Variants in HAP1 observed in about 807,000 individuals in gnomAD.
HAP1 encodes huntingtin-associated protein 1.
A neutral mutation model predicts 60.3 loss-of-function variants in HAP1; 59 were observed. That is an observed-to-expected ratio of 0.98 (90% CI 0.79 to 1.22). The LOEUF is 1.22. Among genes scored for constraint, HAP1 ranks in the 50% most tolerant of loss-of-function variants. HAP1 has a pLI of 0.00. For synonymous variants in HAP1, 346 were observed against 330.6 expected (o/e 1.05, Z -0.50); for missense variants, 825 against 785.3 (o/e 1.05, Z -0.60).
Position 41,724,353 on chromosome 17 carries a change from G to A in HAP1, c.*348C>T, listed in dbSNP as rs181564904. The A allele has an allele frequency of 3.0e-4, 47 of 156,882 alleles. 1 individual carries two copies. Among genetic ancestry groups the A allele is most frequent in the African/African-American group, 9.8e-4 (40 of 40,886 alleles). 9.7% of individuals were successfully genotyped at this position (156,882 alleles called of 1,614,324 possible). A position where few individuals can be genotyped will look rare whatever the true frequency, so the allele number is the denominator to read the frequency against. On this transcript the variant is annotated 3_prime_UTR_variant, in exon 11 of 11. Coordinates refer to ENST00000347901, the MANE Select transcript of HAP1 (RefSeq NM_177977.3). ...TCCACCATCCCACCCACCGCCCCCC[G>A]TGTTTGTTTTGACTGCTGCTGCCAC...
chr17:41,726,185 C>T (rs1157296070), intron 9 of HAP1, among the ~76,000 whole-genome samples: 6 of 152,040 alleles, frequency 3.9e-5, no homozygotes, highest in African/African-American at 7.2e-5. Context: ...GAGGCCCAGG[C>T]GGGTGGATCA....
chr17:41,734,033 T>A (rs1912483592), intron 1 of HAP1, 133 bp downstream of exon 1: 1 of 663,268 alleles, frequency 1.5e-6, no homozygotes, highest in Non-Finnish European at 2.5e-6. Context: ...GACACCGCAG[T>A]GACATCGCGG....
chr17:41,718,430 G>GC (rs1383248854), downstream of HAP1, among the ~76,000 whole-genome samples: 4 of 152,220 alleles, frequency 2.6e-5, no homozygotes, highest in East Asian at 5.8e-4. Context: ...GGCTTCTCCT[G>GC]CCCCCCTGGG....
chr17:41,730,893 G>C (rs534803756), intron 6 of HAP1, among the ~76,000 whole-genome samples: 2 of 145,844 alleles, frequency 1.4e-5, no homozygotes, highest in Non-Finnish European at 3.0e-5. Context: ...AATAAGAGAA[G>C]ACAGGCTTGG....
At chr17:41,719,692 CAAA>C (rs71155162), downstream of HAP1, among the ~76,000 whole-genome samples, 3 of 143,000 alleles carry the variant, frequency 2.1e-5, no homozygotes, top group Admixed American at 6.9e-5. Flanking sequence ...GACTCTGTCT[CAAA>C]AAAAAAAAAG....
intron 6 of HAP1, among the ~76,000 whole-genome samples, chr17:41,728,708 T>C (rs1555589686): frequency 6.6e-6 from 1 of 152,026 alleles, no homozygotes; most frequent in South Asian, 2.1e-4. Flanking sequence ...AAGGAACCAC[T>C]AAGCTAAGAC....
chr17:41,729,925 G>C (rs1227084966), intron 6 of HAP1, among the ~76,000 whole-genome samples: 1 of 140,766 alleles, frequency 7.1e-6, no homozygotes, highest in African/African-American at 2.7e-5. Flanking sequence ...AGTAGTCCCA[G>C]CTACTCAGGA....
At chr17:41,722,468 C>A (rs973863492), downstream of HAP1, 1 of 152,286 alleles carries the variant, frequency 6.6e-6, no homozygotes, top group African/African-American at 2.4e-5. Context: ...CTCCATCCAA[C>A]AGACACTTAT....
rs1912328011 is a variant in HAP1 at position 41,732,797 on chromosome 17, T to C, written c.471A>G (p.Ala157=). Residue 157 remains alanine (A), a splice_region_variant and synonymous_variant, in exon 2 of 11, where the codon GCA becomes GCG. Coordinates refer to ENST00000347901, the MANE Select transcript of HAP1 (RefSeq NM_177977.3). The part of the protein sequence containing the change: ...RAAFIRELEE[A]LCPNLPPPVK... ...CTGGCGGAGGTAGGTTAGGACACAG[T>C]GCTGCAGGAGGCGGCAGGTGGGGAG... The C allele has an allele frequency of 6.3e-7, 1 of 1,598,704 alleles. No homozygotes were observed.
In HAP1 at chr17:41,732,772, C is replaced by G. The variant is rs1555591464; in HGVS notation, c.496G>C (p.Val166Leu). 6.2e-7 allele frequency: 1 copy of G among 1,612,700 alleles called. No homozygotes were observed. The highest frequency in any genetic ancestry group is 2.2e-5 in the East Asian group (1 of 44,864). Residue 166 changes from valine to leucine, a missense_variant, in exon 2 of 11, where the codon GTC (valine) becomes CTC (leucine). Physicochemically the swap from Val to Leu is conservative, Grantham distance 32 (BLOSUM62 1). Coordinates refer to ENST00000347901, the MANE Select transcript of HAP1 (RefSeq NM_177977.3). Reference sequence around the variant, plus strand: ...ACGTCTTCCTGGGTGATCTTTTTGACTGGCGGAGGTAGGTTAGGACACAGT... The same window carrying G: ...ACGTCTTCCTGGGTGATCTTTTTGAGTGGCGGAGGTAGGTTAGGACACAGT... ...EALCPNLPPP[V>L]KKITQEDVKV...
chr17:41,734,571 C>T lies in HAP1; in HGVS notation c.64G>A (p.Ala22Thr), dbSNP rs200003781. ...GSRLGPGDPA[A>T]LTCAPSPSAS... ...GAGGGCGAAGGTGCACAGGTGAGTG[C>T]TGCTGGGTCCCCGGGTCCGAGCCGG... Residue 22 changes from alanine (A) to threonine (T), a missense_variant, in exon 1 of 11, where the codon GCA becomes ACA. Ala to Thr is a moderately conservative substitution (Grantham distance 58, BLOSUM62 0). Coordinates refer to ENST00000347901, the MANE Select transcript of HAP1 (RefSeq NM_177977.3). The T allele has an allele frequency of 6.3e-7, 1 of 1,597,882 alleles. No homozygotes were observed. Among genetic ancestry groups the T allele is most frequent in the Non-Finnish European group, 8.5e-7 (1 of 1,173,036 alleles).
chr17:41,732,638 A>G, intron 2 of HAP1, 81 bp downstream of exon 2: 3 of 1,247,860 alleles, frequency 2.4e-6, no homozygotes, highest in East Asian at 2.3e-5. Flanking sequence ...GAGACTGCCA[A>G]TCAGGAAATA....
chr17:41,729,315 T>C (rs35998390), intron 6 of HAP1, among the ~76,000 whole-genome samples: 122,507 of 148,930 alleles, frequency 0.82, 50,453 homozygotes, highest in East Asian at 0.89. Flanking sequence ...TTTGGGAGGC[T>C]GAGGGGGATG....
At chr17:41,733,373 T>C (rs1456494619) in intron 1 of HAP1, among the ~76,000 whole-genome samples, 25 of 145,090 alleles carry the variant, frequency 1.7e-4, no homozygotes, top group Admixed American at 1.0e-3. Flanking sequence ...TTTTTTTTTT[T>C]TTTACCCCTG....
chr17:41,729,348 A>C (rs1284516309), intron 6 of HAP1, among the ~76,000 whole-genome samples: 1 of 147,878 alleles, frequency 6.8e-6, no homozygotes, highest in Non-Finnish European at 1.5e-5. Flanking sequence ...TCAGGATTTC[A>C]ACACCAGCTT....
chr17:41,720,379 G>C (rs1048570226), downstream of HAP1, among the ~76,000 whole-genome samples: 7 of 151,000 alleles, frequency 4.6e-5, no homozygotes, highest in African/African-American at 1.7e-4. Flanking sequence ...ATTTTCAGTA[G>C]AGACAGGGTT....
In HAP1 at chr17:41,724,372, C is replaced by T; in HGVS notation, c.*329G>A. On this transcript the variant is annotated 3_prime_UTR_variant, in exon 11 of 11. Coordinates refer to ENST00000347901, the MANE Select transcript of HAP1 (RefSeq NM_177977.3). ...CCCCCCGTGTTTGTTTTGACTGCTGCTGCCACTGCTGCAGAGTTGGAGAGC... is the reference window on the plus strand; with the variant it reads ...CCCCCCGTGTTTGTTTTGACTGCTGTTGCCACTGCTGCAGAGTTGGAGAGC... The T allele has an allele frequency of 5.6e-6, 1 of 177,380 alleles. No homozygotes were observed. Among genetic ancestry groups the T allele is most frequent in the Non-Finnish European group, 1.2e-5 (1 of 82,528 alleles). 11.0% of individuals were successfully genotyped at this position (177,380 alleles called of 1,614,324 possible). A position where few individuals can be genotyped will look rare whatever the true frequency, so the allele number is the denominator to read the frequency against.
At chr17:41,732,586 G>A (rs782352214) in intron 2 of HAP1, 133 bp downstream of exon 2, 2 of 967,624 alleles carry the variant, frequency 2.1e-6, no homozygotes, top group South Asian at 1.3e-5. Flanking sequence ...ATCCCACATC[G>A]ACCTGTCTTC....
chr17:41,724,451 T>G lies in HAP1; in HGVS notation c.*250A>C. ...GGCAGGGGAAGCAAGCGGGCAGAGA[T>G]GGGAAGCTGAGGCGCAGTGTGGGGG... On this transcript the variant is annotated 3_prime_UTR_variant, in exon 11 of 11. Coordinates refer to ENST00000347901, the MANE Select transcript of HAP1 (RefSeq NM_177977.3). 1 of 494,462 alleles carries G rather than the reference T, an allele frequency of 2.0e-6. No individual in the cohort carries two copies. The highest frequency in any genetic ancestry group is 3.6e-6 in the Non-Finnish European group (1 of 276,520). The allele number at this position is 494,462 out of a possible 1,614,324, so 30.6% of individuals were successfully genotyped here.
Sources: allele counts gnomAD v4.1 joint callset (sites outside exome capture counted in the v4.1 genomes callset), GRCh38; gene constraint gnomAD v4.1.1; transcripts MANE v1.5; gene names NCBI Gene and HGNC (gene_info 2026-07-23, HGNC 2026-07-21).